Variants in SYT9 observed in about 807,000 individuals in gnomAD.
The protein encoded by SYT9 is synaptotagmin 9, also known as synaptotagmin-9.
SYT9 carries 22 observed loss-of-function variants against 48.4 expected under a neutral mutation model. That is an observed-to-expected ratio of 0.45 (90% CI 0.32 to 0.65). The LOEUF (loss-of-function observed/expected upper bound fraction) is 0.65, where lower values mean the gene tolerates loss of function less well. Among genes scored for constraint, SYT9 ranks in the 30% least tolerant of loss-of-function variants. The pLI, the probability that SYT9 is intolerant of heterozygous loss-of-function variation, is 0.03. For synonymous variants in SYT9, 265 were observed against 245.0 expected, an observed-to-expected ratio of 1.08 and a Z score of -0.76; for missense variants, 577 against 622.0, an observed-to-expected ratio of 0.93 and a Z score of 0.77.
At chr11:7,397,823 A>G (rs1365829915) in intron 3 of SYT9, among the ~76,000 whole-genome samples, 1 of 152,154 alleles carries the variant, frequency 6.6e-6, no homozygotes, top group African/African-American at 2.4e-5. Context: ...TAAAAATCAT[A>G]TTGCTTTTGT....
At chr11:7,272,308 C>T (rs1186835786) in intron 1 of SYT9, among the ~76,000 whole-genome samples, 1 of 152,126 alleles carries the variant, frequency 6.6e-6, no homozygotes, top group South Asian at 2.1e-4. Context: ...TCACAAAAAT[C>T]GGCATAACTG....
At chr11:7,412,401 G>T (rs1847153111) in intron 3 of SYT9, among the ~76,000 whole-genome samples, 1 of 152,184 alleles carries the variant, frequency 6.6e-6, no homozygotes, top group Non-Finnish European at 1.5e-5. Context: ...CTTTGATTTT[G>T]GATGCAAGCA....
At chr11:7,364,612 A>T (rs1850207113) in intron 3 of SYT9, among the ~76,000 whole-genome samples, 2 of 152,228 alleles carry the variant, frequency 1.3e-5, no homozygotes, top group Non-Finnish European at 2.9e-5. Context: ...AAATTAAAAG[A>T]GTATGACAAA....
chr11:7,341,662 C>T (rs2012921), intron 3 of SYT9, among the ~76,000 whole-genome samples: 2,842 of 152,154 alleles, frequency 0.019, 41 homozygotes, highest in Non-Finnish European at 0.03. Flanking sequence ...ACTAAGACAG[C>T]GGCCATGAGA....
upstream of SYT9, among the ~76,000 whole-genome samples, chr11:7,247,266 C>G (rs1847803088): frequency 6.6e-6 from 1 of 151,962 alleles, no homozygotes; most frequent in African/African-American, 2.4e-5. Context: ...CACCCTTTCC[C>G]CTGAGTCCCC....
intron 3 of SYT9, among the ~76,000 whole-genome samples, chr11:7,334,767 C>T (rs1341842515): frequency 1.3e-5 from 2 of 152,036 alleles, no homozygotes; most frequent in African/African-American, 2.4e-5. Context: ...TTCTTTCAAT[C>T]AGAATAATTA....
chr11:7,306,392 A>T (rs1347231173), intron 2 of SYT9, among the ~76,000 whole-genome samples: 2 of 152,198 alleles, frequency 1.3e-5, no homozygotes, highest in Non-Finnish European at 2.9e-5. Flanking sequence ...ACCCCTTATC[A>T]GGTCTATTAA....
At chr11:7,266,065 A>G (rs1848174964) in intron 1 of SYT9, among the ~76,000 whole-genome samples, 1 of 152,140 alleles carries the variant, frequency 6.6e-6, no homozygotes, top group African/African-American at 2.4e-5. Context: ...TGGGATTCAG[A>G]GGATCCCAAG....
intron 1 of SYT9, among the ~76,000 whole-genome samples, chr11:7,260,403 G>C (rs1589892719): frequency 6.6e-6 from 1 of 152,176 alleles, no homozygotes; most frequent in Non-Finnish European, 1.5e-5. Flanking sequence ...TAACACAGAA[G>C]AGGATGGATC....
chr11:7,369,374 A>G (rs925707809), intron 3 of SYT9, among the ~76,000 whole-genome samples: 1 of 151,772 alleles, frequency 6.6e-6, no homozygotes, highest in Non-Finnish European at 1.5e-5. Context: ...GATTCTAGAT[A>G]TTAGACCTTT....
At chr11:7,397,808 A>T (rs6578857) in intron 3 of SYT9, among the ~76,000 whole-genome samples, 1 of 152,140 alleles carries the variant, frequency 6.6e-6, no homozygotes, top group Admixed American at 6.5e-5. Flanking sequence ...TTCATTGCTA[A>T]TATATAAAAA....
chr11:7,258,508 A>C lies in SYT9; in HGVS notation c.145+6177A>C, dbSNP rs1848018615. ...TTGAAATCTTCATATGGCCTTGCAC[A>C]TGTATTTTATCACACAAAAACTTTA... is the stretch of plus-strand genomic sequence containing the variant. On this transcript the variant is annotated intron_variant, in intron 1 of 6. Transcript: ENST00000318881. Among the ~76,000 whole-genome samples the C allele has an allele frequency of 2.0e-5, 3 of 152,120 alleles. No homozygotes were observed. The South Asian group carries it at 6.2e-4, about 32-fold the overall frequency.
Position 7,303,384 on chromosome 11 carries a change from C to T in SYT9, c.491C>T (p.Ser164Leu), listed in dbSNP as rs202101566. 14 of 1,605,510 alleles carry T rather than the reference C, an allele frequency of 8.7e-6. No homozygotes were observed. The highest frequency in any genetic ancestry group is 7.7e-5 in the South Asian group (7 of 90,526). ...CGCCAAGTCACAGAGCCAACCTCGT[C>T]GGCCCGGTCAGTAATGCCTTCTCCT... is the stretch of plus-strand genomic sequence containing the variant. Reference protein sequence around the residue: ...VQRQVTEPTSSARHNSIRRQL... With the variant: ...VQRQVTEPTSLARHNSIRRQL... Residue 164 changes from serine to leucine, a missense_variant, in exon 2 of 7, where the codon TCG becomes TTG. Physicochemically the swap from Ser to Leu is moderately radical, Grantham distance 145 (BLOSUM62 -2). Coordinates refer to ENST00000318881, the MANE Select transcript of SYT9 (RefSeq NM_175733.4).
At chr11:7,281,798 C>T (rs529596172) in intron 1 of SYT9, among the ~76,000 whole-genome samples, 9 of 152,170 alleles carry the variant, frequency 5.9e-5, no homozygotes, top group Non-Finnish European at 1.3e-4. Flanking sequence ...AAGCTATATA[C>T]TTCTAGTGCA....
chr11:7,453,972 AC>A (rs1202961809), intron 6 of SYT9: 1 of 985,124 alleles, frequency 1.0e-6, no homozygotes, highest in East Asian at 1.1e-4. Flanking sequence ...TTCAGCAGGC[AC>A]CCTCTGTGGT....
At chr11:7,457,941 T>C (rs1022476893) in intron 6 of SYT9, 3 of 152,214 alleles carry the variant, frequency 2.0e-5, no homozygotes, top group Non-Finnish European at 2.9e-5. Context: ...ATGGCATCAT[T>C]TGCTGTATTG....
chr11:7,261,192 A>G, intron 1 of SYT9, among the ~76,000 whole-genome samples: 1 of 152,356 alleles, frequency 6.6e-6, no homozygotes, highest in South Asian at 2.1e-4. Context: ...ACATACATGT[A>G]CACTTTGCTT....
chr11:7,247,012 G>A (rs1457410761), upstream of SYT9, among the ~76,000 whole-genome samples: 1 of 152,162 alleles, frequency 6.6e-6, no homozygotes, highest in Non-Finnish European at 1.5e-5. Flanking sequence ...TTCTAGTGAG[G>A]GCTTTCTTCC....
chr11:7,432,547 CA>C lies in SYT9; in HGVS notation c.1467+11948del, dbSNP rs67650978. ...GGGCAACAAGAGTGAGACTCCATCTCAAAAAAAAAAAAAAAAAAAAAAAAAA... is the reference window on the plus strand; with the variant it reads ...GGGCAACAAGAGTGAGACTCCATCTCAAAAAAAAAAAAAAAAAAAAAAAAA... On this transcript the variant is annotated intron_variant, in intron 6 of 6. Coordinates refer to ENST00000318881, the MANE Select transcript of SYT9 (RefSeq NM_175733.4). Among the ~76,000 whole-genome samples the C allele has an allele frequency of 1.7e-3, 29 of 16,898 alleles. 1 individual carries two copies. Among genetic ancestry groups the C allele is most frequent in the African/African-American group, 3.0e-3 (14 of 4,610 alleles). 11.1% of individuals were successfully genotyped at this position (16,898 alleles called of 152,430 possible).
Sources: allele counts gnomAD v4.1 joint callset (sites outside exome capture counted in the v4.1 genomes callset), GRCh38; gene constraint gnomAD v4.1.1; transcripts MANE v1.5; gene names NCBI Gene and HGNC (gene_info 2026-07-23, HGNC 2026-07-21).